WDPCP: variants seen among roughly 807,000 people sequenced by gnomAD.
WDPCP encodes WD repeat-containing and planar cell polarity effector protein fritz homolog.
A neutral mutation model predicts 93.1 loss-of-function variants in WDPCP; 71 were observed. The observed-to-expected ratio is 0.76, with a 90% confidence interval of 0.63 to 0.93. The LOEUF (loss-of-function observed/expected upper bound fraction) is 0.93. WDPCP is among the 40% of genes least tolerant of loss of function. The pLI, the probability that WDPCP is intolerant of heterozygous loss-of-function variation, is 0.00. For missense variants in WDPCP, 844 were observed against 887.4 expected, an observed-to-expected ratio of 0.95 and a Z score of 0.62; for synonymous variants, 315 against 315.0, an observed-to-expected ratio of 1.00 and a Z score of 0.00.
chr2:63,580,581 GT>G (rs1431527825), intron 1 of WDPCP, among the ~76,000 whole-genome samples: 1 of 152,036 alleles, frequency 6.6e-6, no homozygotes, highest in Non-Finnish European at 1.5e-5. Flanking sequence ...TTGAGGGATG[GT>G]CTCCAAAAAA....
intron 2 of WDPCP, among the ~76,000 whole-genome samples, chr2:63,774,407 G>A (rs1302670840): frequency 6.6e-6 from 1 of 151,918 alleles, no homozygotes; most frequent in Non-Finnish European, 1.5e-5. Flanking sequence ...TCTCACTTCA[G>A]TTCTCTTCTG....
chr2:63,231,737 T>C (rs1678906139), intron 14 of WDPCP, among the ~76,000 whole-genome samples: 2 of 152,210 alleles, frequency 1.3e-5, no homozygotes, highest in South Asian at 2.1e-4. Context: ...ATCAATATCA[T>C]GAAAATGGCC....
At chr2:63,622,220 G>A (rs1709749346) in intron 3 of WDPCP, 4 of 1,606,592 alleles carry the variant, frequency 2.5e-6, no homozygotes, top group Non-Finnish European at 3.4e-6. Flanking sequence ...TGGCCGCCTT[G>A]CTGGCGAGGT....
intron 12 of WDPCP, among the ~76,000 whole-genome samples, chr2:63,357,898 C>A (rs1029381123): frequency 3.9e-5 from 6 of 152,126 alleles, no homozygotes; most frequent in Admixed American, 2.6e-4. Context: ...AAATGTGGTA[C>A]ATATACACCA....
intron 1 of WDPCP, among the ~76,000 whole-genome samples, chr2:63,569,022 C>T (rs1707286472): frequency 6.6e-6 from 1 of 152,184 alleles, no homozygotes; most frequent in South Asian, 2.1e-4. Flanking sequence ...GGAATCTCTA[C>T]TTTATTTTTC....
intron 2 of WDPCP, among the ~76,000 whole-genome samples, chr2:63,670,607 G>T (rs1008891744): frequency 6.6e-5 from 10 of 152,100 alleles, no homozygotes; most frequent in African/African-American, 2.4e-4. Context: ...TGTGTATAGA[G>T]GTAAAGTGTA....
intron 12 of WDPCP, among the ~76,000 whole-genome samples, chr2:63,374,265 G>C (rs1240675850): frequency 6.6e-6 from 1 of 152,116 alleles, no homozygotes; most frequent in Non-Finnish European, 1.5e-5. Flanking sequence ...CTGTGAGCCA[G>C]AGGATGCCCT....
At chr2:63,291,214 G>GAA (rs1406104429) in intron 13 of WDPCP, among the ~76,000 whole-genome samples, 3 of 151,610 alleles carry the variant, frequency 2.0e-5, no homozygotes, top group African/African-American at 7.3e-5. Context: ...AAAAAATACA[G>GAA]TTTCTATGTT....
rs770819298 is a variant in WDPCP at position 63,378,475 on chromosome 2, A to G, written c.1659T>C (p.Ala553=). 1 of 1,613,188 alleles carries G rather than the reference A, an allele frequency of 6.2e-7. No individual in the cohort carries two copies. The highest frequency in any genetic ancestry group is 1.3e-5 in the African/African-American group (1 of 74,880). The change falls in exon 12 of 18, where the codon GCT becomes GCC. Residue 553 remains alanine, a synonymous_variant. Transcript: ENST00000272321. ...QLETSLGTFY[A]PTRPLLDSTI... is the part of the protein sequence containing the mutation. ...TGGAATCCAGAAGTGGTCTTGTTGG[A>G]GCATAGAAGGTTCCAAGGCTTGTCT...
At chr2:63,638,663 C>A (rs1709948190) in intron 3 of WDPCP, among the ~76,000 whole-genome samples, 1 of 151,932 alleles carries the variant, frequency 6.6e-6, no homozygotes, top group African/African-American at 2.4e-5. Context: ...GTTGTACATG[C>A]CTGTAGTCCT....
At chr2:63,741,355 T>C (rs551013257) in intron 2 of WDPCP, among the ~76,000 whole-genome samples, 1 of 152,142 alleles carries the variant, frequency 6.6e-6, no homozygotes, top group Admixed American at 6.6e-5. Flanking sequence ...ACACCCTGAG[T>C]TAAGATACCT....
chr2:63,528,106 C>A (rs1485702876), intron 1 of WDPCP, among the ~76,000 whole-genome samples: 1 of 152,042 alleles, frequency 6.6e-6, no homozygotes, highest in South Asian at 2.1e-4. Flanking sequence ...TTTGTAGATT[C>A]TGGATATTAG....
At chr2:63,341,511 T>A (rs1015830078) in intron 12 of WDPCP, among the ~76,000 whole-genome samples, 2 of 152,198 alleles carry the variant, frequency 1.3e-5, no homozygotes, top group Non-Finnish European at 2.9e-5. Flanking sequence ...TTGTGGGTAG[T>A]GGGTAGTGTA....
At chr2:63,257,841 G>A (rs368706615) in intron 14 of WDPCP, among the ~76,000 whole-genome samples, 2 of 152,204 alleles carry the variant, frequency 1.3e-5, no homozygotes, top group African/African-American at 4.8e-5. Context: ...AAAATGCAAA[G>A]ATGGCCCTCA....
At chr2:63,429,842 CTG>C (rs1300680979) in intron 9 of WDPCP, among the ~76,000 whole-genome samples, 1 of 152,100 alleles carries the variant, frequency 6.6e-6, no homozygotes, top group African/African-American at 2.4e-5. Context: ...TGGGTATACA[CTG>C]AAAAGAAAAT....
At chr2:63,657,297 T>G (rs529483860) in intron 2 of WDPCP, among the ~76,000 whole-genome samples, 1 of 147,554 alleles carries the variant, frequency 6.8e-6, no homozygotes, top group Non-Finnish European at 1.5e-5. Context: ...CTCCGCCTCC[T>G]GGGTTCATGC....
intron 1 of WDPCP, among the ~76,000 whole-genome samples, chr2:63,566,890 G>C (rs1417496868): frequency 6.6e-6 from 1 of 152,166 alleles, no homozygotes; most frequent in African/African-American, 2.4e-5. Flanking sequence ...ATGGCTCATA[G>C]AACTCAGAAA....
At chr2:63,405,607 C>A (rs1230487562) in intron 9 of WDPCP, among the ~76,000 whole-genome samples, 2 of 141,058 alleles carry the variant, frequency 1.4e-5, no homozygotes, top group African/African-American at 5.4e-5. Flanking sequence ...GGTCCTGGAA[C>A]CAATCATCCA....
chr2:63,759,045 T>C (rs1297677731), intron 2 of WDPCP, among the ~76,000 whole-genome samples: 3 of 151,766 alleles, frequency 2.0e-5, no homozygotes, highest in Admixed American at 6.6e-5. Context: ...CCTCCCAAAG[T>C]GCTGGGATTA....
Sources: allele counts gnomAD v4.1 joint callset (sites outside exome capture counted in the v4.1 genomes callset), GRCh38; gene constraint gnomAD v4.1.1; transcripts MANE v1.5; gene names NCBI Gene and HGNC (gene_info 2026-07-23, HGNC 2026-07-21).